Variants in VPS26C observed in about 807,000 individuals in gnomAD.
VPS26C encodes vacuolar protein sorting-associated protein 26C.
A neutral mutation model predicts 30.6 loss-of-function variants in VPS26C; 19 were observed. The ratio of observed to expected loss-of-function variants is 0.62; its 90% CI spans 0.43 to 0.91. The LOEUF (loss-of-function observed/expected upper bound fraction) is 0.91. VPS26C is among the 40% of genes least tolerant of loss of function. The pLI is 0.00. For missense variants in VPS26C, 318 were observed against 385.1 expected, an observed-to-expected ratio of 0.83 and a Z score of 1.46; for synonymous variants, 132 against 151.5, an observed-to-expected ratio of 0.87 and a Z score of 0.95.
intron 1 of VPS26C, among the ~76,000 whole-genome samples, chr21:37,241,468 G>C (rs1023743675): frequency 6.6e-6 from 1 of 152,182 alleles, no homozygotes; most frequent in African/African-American, 2.4e-5. Context: ...AGGAAATTGA[G>C]GGGATGAAAT....
chr21:37,264,358 A>C (rs1409392394), intron 1 of VPS26C, among the ~76,000 whole-genome samples: 1 of 152,164 alleles, frequency 6.6e-6, no homozygotes, highest in East Asian at 1.9e-4. Context: ...TAAGGGACAG[A>C]GCTGACTCTG....
chr21:37,236,691 T>A (rs903609860), intron 3 of VPS26C, among the ~76,000 whole-genome samples: 11 of 152,156 alleles, frequency 7.2e-5, no homozygotes, highest in Non-Finnish European at 1.3e-4. Flanking sequence ...TGTGATAAAG[T>A]CATGGAAATC....
chr21:37,246,806 GGA>G (rs2148297442), intron 1 of VPS26C, among the ~76,000 whole-genome samples: 1 of 152,290 alleles, frequency 6.6e-6, no homozygotes, highest in Non-Finnish European at 1.5e-5. Context: ...CACCCAGGCT[GGA>G]GTACAGTAGT....
Position 37,233,266 on chromosome 21 carries a change from T to G in VPS26C, c.432+96A>C. The stretch of plus-strand genomic sequence containing the variant: ...TCTTCTGCCAGCACCCGTGAAACAG[T>G]AAGAGGCTAAATGGTGAGCTTGTAA... On this transcript the variant is annotated intron_variant, in intron 4 of 7. Coordinates refer to ENST00000309117, the MANE Select transcript of VPS26C (RefSeq NM_006052.2). The surrounding 1 kb of genome is among the most constrained non-coding windows in gnomAD (Gnocchi z 5.2). 2 of 1,082,906 alleles carry G rather than the reference T, an allele frequency of 1.8e-6. No homozygotes were observed. The highest frequency in any genetic ancestry group is 1.4e-6 in the Non-Finnish European group (1 of 708,322). 67.1% of individuals were successfully genotyped at this position (1,082,906 alleles called of 1,614,324 possible). A position where few individuals can be genotyped will look rare whatever the true frequency, so the allele number is the denominator to read the frequency against.
rs183476541 is a variant in VPS26C at position 37,229,995 on chromosome 21, T to G, written c.508-1622A>C. On this transcript the variant is annotated intron_variant, in intron 5 of 7. Coordinates refer to ENST00000309117, the MANE Select transcript of VPS26C (RefSeq NM_006052.2). Reference sequence around the variant, plus strand: ...AATCCTTTTGCCTAAGCCTCCCTAGTAGCTGGGACTACGATCGCATGCCAC... The same window carrying G: ...AATCCTTTTGCCTAAGCCTCCCTAGGAGCTGGGACTACGATCGCATGCCAC... Among the ~76,000 whole-genome samples, 376 of 152,342 alleles carry G rather than the reference T, an allele frequency of 2.5e-3. 3 individuals are homozygous for G. Among genetic ancestry groups the G allele is most frequent in the African/African-American group, 8.3e-3 (346 of 41,572 alleles).
intron 1 of VPS26C, among the ~76,000 whole-genome samples, chr21:37,248,158 G>C (rs1308440257): frequency 2.6e-5 from 4 of 152,040 alleles, no homozygotes; most frequent in Admixed American, 2.6e-4. Context: ...CAATAGAGTA[G>C]ACAGAAAGAA....
rs1367132839 is a variant in VPS26C, at chr21:37,223,537, G to C, written c.*2007C>G. 1.3e-5 allele frequency: 2 copies of C among 152,138 alleles called. No homozygotes were observed. Among genetic ancestry groups the C allele is most frequent in the Non-Finnish European group, 1.5e-5 (1 of 68,012 alleles). The allele number at this position is 152,138 out of a possible 1,614,324, so 9.4% of individuals were successfully genotyped here. The stretch of plus-strand genomic sequence containing the variant: ...AAATATTTTCATCTCATTAAAAATG[G>C]TTTCTTCCTTTAAAATTTCCCAGAA... On this transcript the variant is annotated 3_prime_UTR_variant, in exon 8 of 8. Transcript: ENST00000309117.
rs949712411 is a variant in VPS26C at position 37,226,554 on chromosome 21, C to G, written c.812-928G>C. ...TCTCCACCCCTCTTGTTGTGCCCCC[C>G]AGAAGGGTGGAGGGTGTGGCTGGAG... On this transcript the variant is annotated intron_variant, in intron 7 of 7. Transcript: ENST00000309117. The surrounding 1 kb of genome is among the most constrained non-coding windows in gnomAD (Gnocchi z 4.1). 1.3e-5 allele frequency: 2 copies of G among 152,386 alleles called. No individual in the cohort carries two copies. Among genetic ancestry groups the G allele is most frequent in the African/African-American group, 4.8e-5 (2 of 41,474 alleles). The allele number at this position is 152,386 out of a possible 1,614,324, so 9.4% of individuals were successfully genotyped here. A position where few individuals can be genotyped will look rare whatever the true frequency, so the allele number is the denominator to read the frequency against.
intron 3 of VPS26C, among the ~76,000 whole-genome samples, chr21:37,234,488 C>T (rs928756800): frequency 3.3e-5 from 5 of 152,184 alleles, no homozygotes; most frequent in African/African-American, 7.2e-5. Flanking sequence ...GAGACTGTTG[C>T]TTCAAATCCC....
chr21:37,238,093 C>T (rs1046397809), intron 3 of VPS26C: 4 of 181,530 alleles, frequency 2.2e-5, no homozygotes, highest in African/African-American at 9.5e-5. Context: ...GGGTGTTAAA[C>T]AAAGAGATAC....
chr21:37,268,082 C>G (rs1399841902), upstream of VPS26C: 3 of 152,272 alleles, frequency 2.0e-5, no homozygotes, highest in Non-Finnish European at 4.4e-5. Flanking sequence ...GAGCCGCGGG[C>G]GCTGGGTCAC....
At chr21:37,237,495 C>G (rs368513981) in intron 3 of VPS26C, 2 of 152,238 alleles carry the variant, frequency 1.3e-5, no homozygotes, top group Non-Finnish European at 2.9e-5. Context: ...TGGCTACGTA[C>G]GCAGCTTCCT....
At chr21:37,253,465 T>C (rs1385356706) in intron 1 of VPS26C, among the ~76,000 whole-genome samples, 3 of 152,178 alleles carry the variant, frequency 2.0e-5, no homozygotes, top group Non-Finnish European at 2.9e-5. Flanking sequence ...TACTGTCCAA[T>C]AGTGTGATGT....
chr21:37,266,647 G>T (rs750746917), intron 1 of VPS26C: 1 of 153,054 alleles, frequency 6.5e-6, no homozygotes, highest in African/African-American at 2.4e-5. Context: ...GCATAGTCAA[G>T]ATTTTACTTT....
chr21:37,254,435 T>C (rs1455773858), intron 1 of VPS26C, among the ~76,000 whole-genome samples: 1 of 152,094 alleles, frequency 6.6e-6, no homozygotes, highest in Non-Finnish European at 1.5e-5. Flanking sequence ...AGTTTAAGGC[T>C]GCAGTGAGCT....
chr21:37,255,924 CTCCCAGGT>C (rs1351731419), intron 1 of VPS26C, among the ~76,000 whole-genome samples: 2 of 138,194 alleles, frequency 1.4e-5, no homozygotes, highest in Non-Finnish European at 3.0e-5. Flanking sequence ...TAACCTCCGC[CTCCCAGGT>C]TCAAGTGATT....
intron 1 of VPS26C, among the ~76,000 whole-genome samples, chr21:37,258,308 A>G (rs1475950851): frequency 6.6e-6 from 1 of 152,188 alleles, no homozygotes; most frequent in African/African-American, 2.4e-5. Flanking sequence ...GACTGCGCAC[A>G]CAAAGCGTCT....
Position 37,226,840 on chromosome 21 carries a change from C to T in VPS26C, c.811+814G>A, listed in dbSNP as rs1287796117. The stretch of plus-strand genomic sequence containing the variant: ...GAGGTCCCCGAGCCTCTCTGAATCA[C>T]AGTCCCCTGCTACTGAGAAGGCTCG... On this transcript the variant is annotated intron_variant, in intron 7 of 7. Coordinates refer to ENST00000309117, the MANE Select transcript of VPS26C (RefSeq NM_006052.2). The surrounding 1 kb of genome is among the most constrained non-coding windows in gnomAD (Gnocchi z 4.1). 6.6e-6 allele frequency: 1 copy of T among 152,252 alleles called. No individual in the cohort carries two copies. The highest frequency in any genetic ancestry group is 1.9e-4 in the East Asian group (1 of 5,186). 9.4% of individuals were successfully genotyped at this position (152,252 alleles called of 1,614,324 possible). A position where few individuals can be genotyped will look rare whatever the true frequency, so the allele number is the denominator to read the frequency against.
chr21:37,240,697 T>C, intron 1 of VPS26C, 58 bp from the exon 2 acceptor site: 11 of 1,576,614 alleles, frequency 7.0e-6, no homozygotes, highest in Non-Finnish European at 9.5e-6. Context: ...TTCTACCTTG[T>C]TTATTAGCAA....
Sources: allele counts gnomAD v4.1 joint callset (sites outside exome capture counted in the v4.1 genomes callset), GRCh38; gene constraint gnomAD v4.1.1; non-coding constraint Gnocchi (gnomAD v3.1); transcripts MANE v1.5; gene names NCBI Gene and HGNC (gene_info 2026-07-23, HGNC 2026-07-21).